The following ABCA13 variants were observed in gnomAD, a reference collection of about 807,000 sequenced individuals.
ABCA13 encodes ATP binding cassette subfamily A member 13, also known as ATP-binding cassette sub-family A member 13.
A neutral mutation model predicts 478.7 loss-of-function variants in ABCA13; 476 were observed. The observed-to-expected ratio is 0.99, with a 90% CI of 0.92 to 1.07. The LOEUF is 1.07. ABCA13 is among the 50% of genes least tolerant of loss of function. The probability of loss-of-function intolerance (pLI) is 0.00; values close to 1 mark genes in which losing one functional copy is unlikely to be tolerated. For synonymous variants in ABCA13, 2,252 were observed against 2,158.9 expected (o/e 1.04, Z -1.20); for missense variants, 6,060 against 5,910.6 (o/e 1.03, Z -0.83).
At chr7:48,207,116 G>T in intron 3 of ABCA13, among the ~76,000 whole-genome samples, 1 of 152,148 alleles carries the variant, frequency 6.6e-6, no homozygotes, top group East Asian at 1.9e-4. Flanking sequence ...CCTTCCAGTT[G>T]CATCCTTGTC....
intron 48 of ABCA13, among the ~76,000 whole-genome samples, chr7:48,501,570 G>A (rs959860451): frequency 6.6e-6 from 1 of 152,174 alleles, no homozygotes; most frequent in East Asian, 1.9e-4. Flanking sequence ...GACCTAGGAA[G>A]AGAGAGGCAG....
chr7:48,516,684 G>A lies in ABCA13; in HGVS notation c.13641-41G>A, dbSNP rs201179907. The A allele has an allele frequency of 1.1e-3, 1,753 of 1,582,518 alleles. 3 individuals carry two copies. The highest frequency in any genetic ancestry group is 1.4e-3 in the Non-Finnish European group (1,659 of 1,154,770). Reference sequence around the variant, plus strand: ...TGCCATAGATAAAACTACTGTAAATGTTACAGTAAAACAAACATTACTTTT... The same window carrying A: ...TGCCATAGATAAAACTACTGTAAATATTACAGTAAAACAAACATTACTTTT... On this transcript the variant is annotated intron_variant, in intron 51 of 61. Transcript: ENST00000435803.
intron 58 of ABCA13, among the ~76,000 whole-genome samples, chr7:48,610,687 G>A (rs759319779): frequency 2.0e-5 from 3 of 152,186 alleles, no homozygotes; most frequent in Non-Finnish European, 4.4e-5. Context: ...CTAGGTGGAG[G>A]CTCCTAAGCC....
rs528747539 is a variant in ABCA13, at chr7:48,309,885, G to A, written c.9322-62G>A. The A allele has an allele frequency of 6.0e-5, 95 of 1,582,974 alleles. 1 individual carries two copies. The South Asian group carries it at 7.3e-4, about 12-fold the overall frequency. On this transcript the variant is annotated intron_variant, in intron 23 of 61. Coordinates refer to ENST00000435803, the MANE Select transcript of ABCA13 (RefSeq NM_152701.5). ...CTCCCTGCCGATGAAGCTCCGGTCT[G>A]AGGTGGTGAAGCACATGACGTCATA...
At chr7:48,547,486 G>A (rs901670556) in intron 55 of ABCA13, among the ~76,000 whole-genome samples, 7 of 151,810 alleles carry the variant, frequency 4.6e-5, no homozygotes, top group Non-Finnish European at 8.8e-5. Flanking sequence ...GACTTCAGTC[G>A]GCCCCATGTA....
intron 55 of ABCA13, among the ~76,000 whole-genome samples, chr7:48,544,938 G>C (rs1420011424): frequency 6.6e-6 from 1 of 151,856 alleles, no homozygotes; most frequent in Non-Finnish European, 1.5e-5. Flanking sequence ...ACATTCAGCT[G>C]GTGTCTGCTG....
At chr7:48,472,238 GA>G (rs893769213) in intron 45 of ABCA13, among the ~76,000 whole-genome samples, 10 of 151,818 alleles carry the variant, frequency 6.6e-5, no homozygotes, top group African/African-American at 2.2e-4. Context: ...AAAGGGAAAA[GA>G]AAAAAAATAT....
At chr7:48,409,390 C>T (rs1475681110) in intron 39 of ABCA13, among the ~76,000 whole-genome samples, 1 of 152,190 alleles carries the variant, frequency 6.6e-6, no homozygotes, top group Non-Finnish European at 1.5e-5. Flanking sequence ...TGCTAGAATG[C>T]TTAGAGAAAA....
chr7:48,540,244 A>T (rs1381658205), intron 55 of ABCA13, among the ~76,000 whole-genome samples: 3 of 152,168 alleles, frequency 2.0e-5, no homozygotes, highest in Non-Finnish European at 4.4e-5. Flanking sequence ...ATTTTAACTT[A>T]TAAAGCAAAA....
chr7:48,605,022 C>G (rs1277616901), intron 58 of ABCA13, among the ~76,000 whole-genome samples: 2 of 152,114 alleles, frequency 1.3e-5, no homozygotes, highest in African/African-American at 2.4e-5. Flanking sequence ...GGTTTAAAGT[C>G]TGTTTTATCA....
At chr7:48,280,949 AC>A (rs1796946640) in intron 18 of ABCA13, among the ~76,000 whole-genome samples, 2 of 152,120 alleles carry the variant, frequency 1.3e-5, no homozygotes, top group Non-Finnish European at 2.9e-5. Context: ...GGTCCTGGCA[AC>A]CCCATTCTCC....
intron 22 of ABCA13, among the ~76,000 whole-genome samples, chr7:48,297,940 A>ATT (rs35586036): frequency 0.025 from 3,260 of 131,260 alleles, 133 homozygotes; most frequent in African/African-American, 0.086. Flanking sequence ...ATGCCCGGCT[A>ATT]TTTTTTTTTT....
chr7:48,468,362 C>T (rs73694639), intron 44 of ABCA13, among the ~76,000 whole-genome samples: 12,272 of 152,192 alleles, frequency 0.081, 699 homozygotes, highest in African/African-American at 0.16. Context: ...CTCCTCTGTC[C>T]GTTCTTCTTC....
chr7:48,631,354 T>A (rs1442103577), intron 59 of ABCA13, among the ~76,000 whole-genome samples: 2 of 152,124 alleles, frequency 1.3e-5, no homozygotes, highest in Non-Finnish European at 2.9e-5. Context: ...GGGGTCCAGT[T>A]TCATTCTTTT....
intron 31 of ABCA13, among the ~76,000 whole-genome samples, chr7:48,359,326 C>CT (rs1810455301): frequency 6.6e-6 from 1 of 151,942 alleles, no homozygotes; most frequent in Non-Finnish European, 1.5e-5. Flanking sequence ...GTCAGGAACA[C>CT]TAGAGTCTTA....
chr7:48,222,668 G>A lies in ABCA13; in HGVS notation c.468+1359G>A, dbSNP rs867643697. Reference sequence around the variant, plus strand: ...AGTATCATATCCATCGTATGTTTGCGATGTAAAAACATTTCGGTGCAAAGA... The same window carrying A: ...AGTATCATATCCATCGTATGTTTGCAATGTAAAAACATTTCGGTGCAAAGA... On this transcript the variant is annotated intron_variant, in intron 5 of 61. Coordinates refer to ENST00000435803, the MANE Select transcript of ABCA13 (RefSeq NM_152701.5). Among the ~76,000 whole-genome samples, 2 of 152,060 alleles carry A rather than the reference G, an allele frequency of 1.3e-5. 1 individual carries two copies. Among genetic ancestry groups the A allele is most frequent in the African/African-American group, 4.8e-5 (2 of 41,400 alleles).
rs1180779160 is a variant in ABCA13 at position 48,236,325 on chromosome 7, T to C, written c.897+2174T>C. Among the ~76,000 whole-genome samples, 3 of 152,192 alleles carry C rather than the reference T, an allele frequency of 2.0e-5. No individual in the cohort carries two copies. The South Asian group carries it at 6.2e-4, about 31-fold the overall frequency. On this transcript the variant is annotated intron_variant, in intron 8 of 61. Transcript: ENST00000435803. The stretch of plus-strand genomic sequence containing the variant: ...GAGACATCTTTACAGATGAAAATTA[T>C]CTTAATAATGTAAATTTTCTTTATA...
In ABCA13 at chr7:48,288,081, T is replaced by G. The variant is rs1420101844; in HGVS notation, c.8955+3T>G. The G allele has an allele frequency of 1.9e-6, 3 of 1,611,804 alleles. No homozygotes were observed. The highest frequency in any genetic ancestry group is 2.5e-6 in the Non-Finnish European group (3 of 1,177,978). The stretch of plus-strand genomic sequence containing the variant: ...CTTTGGCGCAGGACCACTTCCAGGT[T>G]TGTCGTCTTTAATATTTCAGAGAAT... On this transcript the variant is annotated splice_donor_region_variant and intron_variant, in intron 20 of 61. Coordinates refer to ENST00000435803, the MANE Select transcript of ABCA13 (RefSeq NM_152701.5).
intron 59 of ABCA13, among the ~76,000 whole-genome samples, chr7:48,621,502 A>C (rs1328801632): frequency 6.6e-6 from 1 of 152,130 alleles, no homozygotes; most frequent in African/African-American, 2.4e-5. Flanking sequence ...CACAATAAAG[A>C]GGATATGTGT....
Sources: gnomAD v4.1 joint callset for allele counts (sites outside exome capture counted in the v4.1 genomes callset) on GRCh38, gnomAD v4.1.1 for gene constraint, MANE v1.5 for transcripts, NCBI Gene and HGNC (gene_info 2026-07-23, HGNC 2026-07-21) for gene names.